The following PLSCR4 variants were observed in gnomAD, a reference collection of about 807,000 sequenced individuals.
PLSCR4 encodes Ca(2+)-dependent phospholipid scramblase 4.
PLSCR4 carries 25 observed loss-of-function variants against 36.3 expected under a neutral mutation model. The ratio of observed to expected loss-of-function variants is 0.69; its 90% confidence interval spans 0.50 to 0.96. The LOEUF is 0.96. Ranked by LOEUF, PLSCR4 falls within the 40% of genes least tolerant of loss-of-function variation. PLSCR4 has a pLI of 0.00. For synonymous variants in PLSCR4, 122 were observed against 132.9 expected (o/e 0.92, Z 0.56); for missense variants, 408 against 414.7 (o/e 0.98, Z 0.14).
At chr3:146,205,596 T>C (rs2034280864) in intron 4 of PLSCR4, among the ~76,000 whole-genome samples, 1 of 152,048 alleles carries the variant, frequency 6.6e-6, no homozygotes, top group Non-Finnish European at 1.5e-5. Flanking sequence ...TGACTCTGGG[T>C]CTGTATACTA....
chr3:146,237,078 C>T (rs60949073), intron 1 of PLSCR4, among the ~76,000 whole-genome samples: 1,686 of 152,062 alleles, frequency 0.011, 34 homozygotes, highest in African/African-American at 0.038. Flanking sequence ...CATGATCCAA[C>T]TATACGTCAT....
rs866251000 is a variant in PLSCR4, at chr3:146,194,402, T to C, written c.*9A>G. ...AAATTAACCATAGTTGATGGCTTGC[T>C]GTGTCTCTCTATCTTGAACGTTGTG... On this transcript the variant is annotated 3_prime_UTR_variant, in exon 9 of 9. Coordinates refer to ENST00000354952, the MANE Select transcript of PLSCR4 (RefSeq NM_020353.3). 2.7e-5 allele frequency: 44 copies of C among 1,600,826 alleles called. 3 individuals are homozygous for C. The Middle Eastern group carries it at 7.0e-3, about 254-fold the overall frequency.
intron 1 of PLSCR4, among the ~76,000 whole-genome samples, chr3:146,242,630 G>A (rs1316392682): frequency 6.6e-6 from 1 of 152,148 alleles, no homozygotes; most frequent in Non-Finnish European, 1.5e-5. Context: ...AGAATCATGG[G>A]TTTATCTGGT....
At chr3:146,212,060 G>T (rs1025713323) in intron 3 of PLSCR4, among the ~76,000 whole-genome samples, 1 of 151,958 alleles carries the variant, frequency 6.6e-6, no homozygotes, top group East Asian at 1.9e-4. Flanking sequence ...TTGAGGAATA[G>T]CCTGTCAATT....
chr3:146,232,902 A>T (rs76165156), intron 1 of PLSCR4, among the ~76,000 whole-genome samples: 172 of 152,264 alleles, frequency 1.1e-3, no homozygotes, highest in African/African-American at 3.9e-3. Context: ...CTTATACTAC[A>T]TCCTTTAAGA....
At position 146,199,856 on chromosome 3, in the gene PLSCR4, C is replaced by A. The variant is rs2033950358; in HGVS notation, c.581G>T (p.Arg194Ile). The change falls in exon 6 of 9, where the codon AGA becomes ATA. Residue 194 changes from arginine (R) to isoleucine (I), a missense_variant. Coordinates refer to ENST00000354952, the MANE Select transcript of PLSCR4 (RefSeq NM_020353.3). ...REIMTMQRPF[R>I]CTCCCFCCPS... ...GCAACAGAAGCAACAGCAGGTGCAT[C>A]TGAAGGGTCTCTGCATTGTCATGAT... The A allele has an allele frequency of 2.5e-6, 4 of 1,613,502 alleles. No individual in the cohort carries two copies. The highest frequency in any genetic ancestry group is 3.4e-6 in the Non-Finnish European group (4 of 1,179,738).
rs1212733663 is a variant in PLSCR4, at chr3:146,201,131, C to T, written c.355-54G>A. 4.6e-6 allele frequency: 5 copies of T among 1,080,340 alleles called. No individual in the cohort carries two copies. The East Asian group carries it at 8.2e-5, about 18-fold the overall frequency. 66.9% of individuals were successfully genotyped at this position (1,080,340 alleles called of 1,614,324 possible). A position where few individuals can be genotyped will look rare whatever the true frequency, so the allele number is the denominator to read the frequency against. ...GACAGAAATAACAGAACTAAAATAC[C>T]ACTGTAAAATAAACTGATGAAATAG... On this transcript the variant is annotated intron_variant, in intron 4 of 8. Transcript: ENST00000354952.
At chr3:146,217,313 C>A (rs2034944080) in intron 3 of PLSCR4, among the ~76,000 whole-genome samples, 1 of 152,214 alleles carries the variant, frequency 6.6e-6, no homozygotes, top group African/African-American at 2.4e-5. Flanking sequence ...ACCTAGCCAG[C>A]ATCTCCATGA....
chr3:146,226,003 G>A (rs2035461462), intron 1 of PLSCR4, among the ~76,000 whole-genome samples: 1 of 152,216 alleles, frequency 6.6e-6, no homozygotes, highest in Admixed American at 6.5e-5. Context: ...TTCCACGTAA[G>A]AATGTTCAGT....
At chr3:146,245,099 A>G (rs1189665632) in intron 1 of PLSCR4, among the ~76,000 whole-genome samples, 1 of 152,092 alleles carries the variant, frequency 6.6e-6, no homozygotes, top group Non-Finnish European at 1.5e-5. Flanking sequence ...AAGAGAACTA[A>G]GAGTTAGAAG....
intron 4 of PLSCR4, among the ~76,000 whole-genome samples, chr3:146,203,673 CT>C (rs373948384): frequency 6.6e-4 from 100 of 151,620 alleles, no homozygotes; most frequent in African/African-American, 2.2e-3. Context: ...CAGCTTCAAA[CT>C]TTTTTTTTCT....
At chr3:146,219,871 TG>T (rs1412707368) in intron 3 of PLSCR4, among the ~76,000 whole-genome samples, 1 of 151,760 alleles carries the variant, frequency 6.6e-6, no homozygotes. Flanking sequence ...ACCTGGGAGG[TG>T]GAGGTTGTGG....
intron 1 of PLSCR4, among the ~76,000 whole-genome samples, chr3:146,239,223 G>C (rs190499625): frequency 6.6e-6 from 1 of 151,998 alleles, no homozygotes; most frequent in Non-Finnish European, 1.5e-5. Context: ...AAACTAACAA[G>C]CTGAATACAA....
At chr3:146,250,377 GAAGAT>G (rs997503311) in intron 1 of PLSCR4, among the ~76,000 whole-genome samples, 1 of 152,088 alleles carries the variant, frequency 6.6e-6, no homozygotes, top group African/African-American at 2.4e-5. Flanking sequence ...GATCCTAAGA[GAAGAT>G]AAGGCCACAA....
chr3:146,225,800 C>T (rs1056501907), intron 1 of PLSCR4, among the ~76,000 whole-genome samples: 7 of 152,188 alleles, frequency 4.6e-5, no homozygotes, highest in Non-Finnish European at 8.8e-5. Flanking sequence ...TTGCCGCTGG[C>T]GCCTCTCCCT....
intron 1 of PLSCR4, among the ~76,000 whole-genome samples, chr3:146,245,038 C>T (rs7621841): frequency 0.77 from 116,504 of 151,878 alleles, 45,733 homozygotes; most frequent in Non-Finnish European, 0.86. Context: ...GATGATTTTG[C>T]GTGGTTCAAG....
intron 3 of PLSCR4, among the ~76,000 whole-genome samples, chr3:146,208,369 G>A (rs991337794): frequency 6.6e-6 from 1 of 152,012 alleles, no homozygotes; most frequent in African/African-American, 2.4e-5. Context: ...TATTGGCTTA[G>A]GCAAAGACTT....
At chr3:146,206,469 T>C in intron 4 of PLSCR4, 57 bp downstream of exon 4, 1 of 1,300,082 alleles carries the variant, frequency 7.7e-7, no homozygotes, top group Non-Finnish European at 1.1e-6. Context: ...TTTCTCTCTT[T>C]GTTGGATCCC....
intron 3 of PLSCR4, among the ~76,000 whole-genome samples, chr3:146,216,511 C>G (rs1032218346): frequency 6.6e-6 from 1 of 152,122 alleles, no homozygotes; most frequent in African/African-American, 2.4e-5. Flanking sequence ...AACAACGTTA[C>G]AAGTACTAAA....
Sources: gnomAD v4.1 joint callset for allele counts (sites outside exome capture counted in the v4.1 genomes callset) on GRCh38, gnomAD v4.1.1 for gene constraint, MANE v1.5 for transcripts, NCBI Gene and HGNC (gene_info 2026-07-23, HGNC 2026-07-21) for gene names.